PVT1: variants seen among roughly 807,000 people sequenced by gnomAD.
PVT1 encodes the protein Pvt1 oncogene.
intron 3 of PVT1, among the ~76,000 whole-genome samples, chr8:127,977,916 G>A (rs192457606): frequency 1.3e-4 from 20 of 152,256 alleles, no homozygotes; most frequent in African/African-American, 3.6e-4. Context: ...TCTCACCCAC[G>A]TCCGTGGTGA....
intron 4 of PVT1, among the ~76,000 whole-genome samples, chr8:128,042,945 G>C (rs1022839341): frequency 1.4e-4 from 22 of 151,762 alleles, no homozygotes; most frequent in African/African-American, 5.3e-4. Flanking sequence ...TGTATTTTTA[G>C]TAGAGACAGG....
intron 3 of PVT1, among the ~76,000 whole-genome samples, chr8:127,968,121 G>A (rs921653961): frequency 6.6e-6 from 1 of 152,158 alleles, no homozygotes; most frequent in African/African-American, 2.4e-5. Context: ...ATTGCATAGG[G>A]TTTTCCAAAT....
intron 3 of PVT1, among the ~76,000 whole-genome samples, chr8:127,975,079 TA>T (rs1816809001): frequency 1.3e-5 from 2 of 152,236 alleles, no homozygotes; most frequent in Non-Finnish European, 2.9e-5. Context: ...TGTTAAAAAT[TA>T]AAGTGCCTAG....
intron 2 of PVT1, among the ~76,000 whole-genome samples, chr8:127,819,422 G>T (rs1814704978): frequency 6.6e-6 from 1 of 152,226 alleles, no homozygotes; most frequent in South Asian, 2.1e-4. Flanking sequence ...AACAGTTGAG[G>T]TGGTTGATCC....
chr8:128,013,754 C>CTT (rs1817341061), intron 4 of PVT1, among the ~76,000 whole-genome samples: 2 of 152,212 alleles, frequency 1.3e-5, no homozygotes, highest in South Asian at 4.1e-4. Flanking sequence ...TGTCCTGGGA[C>CTT]TTACTGTGAT....
intron 4 of PVT1, among the ~76,000 whole-genome samples, chr8:127,994,683 C>T (rs1046263763): frequency 1.3e-5 from 2 of 152,118 alleles, no homozygotes; most frequent in African/African-American, 2.4e-5. Flanking sequence ...CTGTGATTTG[C>T]CACCTGCAGG....
intron 6 of PVT1, among the ~76,000 whole-genome samples, chr8:128,100,155 C>T (rs199674117): frequency 0.13 from 9,337 of 70,530 alleles, 853 homozygotes; most frequent in African/African-American, 0.31. Flanking sequence ...TCCTTCCTTC[C>T]TTCCTTCTTT....
At chr8:128,012,229 G>A (rs1024344140) in intron 4 of PVT1, among the ~76,000 whole-genome samples, 2 of 152,178 alleles carry the variant, frequency 1.3e-5, no homozygotes, top group African/African-American at 4.8e-5. Context: ...CATGGGCAGA[G>A]TCATTTCTAG....
intron 4 of PVT1, among the ~76,000 whole-genome samples, chr8:128,049,419 C>T (rs909694642): frequency 3.9e-5 from 6 of 152,192 alleles, no homozygotes; most frequent in African/African-American, 1.2e-4. Flanking sequence ...GAGAGGCAGG[C>T]GGGCCCTAGC....
intron 4 of PVT1, among the ~76,000 whole-genome samples, chr8:128,028,225 C>T (rs1046107731): frequency 3.9e-5 from 6 of 152,262 alleles, no homozygotes; most frequent in Non-Finnish European, 5.9e-5. Context: ...CTGGTGCCGG[C>T]GCGCTGGCAG....
intron 4 of PVT1, among the ~76,000 whole-genome samples, chr8:127,990,507 G>T (rs191097203): frequency 1.1e-4 from 16 of 152,298 alleles, no homozygotes; most frequent in African/African-American, 3.9e-4. Context: ...TAAGTAAGAT[G>T]TTGGAAAGAA....
At chr8:127,974,731 T>C (rs892346785) in intron 3 of PVT1, among the ~76,000 whole-genome samples, 3 of 152,240 alleles carry the variant, frequency 2.0e-5, no homozygotes, top group African/African-American at 7.2e-5. Flanking sequence ...TCATTATTGA[T>C]GTCATTTATT....
rs118020530 is a variant in PVT1, at chr8:128,077,501, C to T, written n.1114+7140C>T. 2.7e-3 allele frequency among the ~76,000 whole-genome samples: 412 copies of T among 152,244 alleles called. 12 individuals carry two copies. The East Asian group carries it at 0.065, about 24-fold the overall frequency. ...TCCTGTTTTATATGGAAAAAAAACT[C>T]ATAATTTTATAAGCACTGAATCTAT... is the stretch of plus-strand genomic sequence containing the variant. On this transcript the variant is annotated intron_variant and non_coding_transcript_variant, in intron 5 of 10. Transcript: ENST00000651587.
At position 128,011,403 on chromosome 8, in the gene PVT1, G is replaced by A. The variant is rs564467234; in HGVS notation, n.912+22112G>A. Among the ~76,000 whole-genome samples, 18 of 152,102 alleles carry A rather than the reference G, an allele frequency of 1.2e-4. No individual in the cohort carries two copies. The South Asian group carries it at 1.7e-3, about 14-fold the overall frequency. ...ATGAGATTATGAGGGTGGGGCTCTC[G>A]TGATGAAATTAGTGCCCTCAAAATA... On this transcript the variant is annotated intron_variant and non_coding_transcript_variant, in intron 4 of 10. Transcript: ENST00000651587.
At chr8:127,855,382 T>G (rs2129741121) in intron 2 of PVT1, 1 of 394,902 alleles carries the variant, frequency 2.5e-6, no homozygotes, top group East Asian at 3.6e-5. Flanking sequence ...GATGGCTCGC[T>G]GACCCCAAGG....
intron 3 of PVT1, among the ~76,000 whole-genome samples, chr8:127,923,082 A>G (rs1476102207): frequency 6.6e-6 from 1 of 152,082 alleles, no homozygotes; most frequent in Non-Finnish European, 1.5e-5. Context: ...ATTTTATCTC[A>G]TTATATGGTA....
intron 2 of PVT1, among the ~76,000 whole-genome samples, chr8:127,854,481 T>G (rs1368397464): frequency 6.6e-6 from 1 of 151,962 alleles, no homozygotes; most frequent in Non-Finnish European, 1.5e-5. Context: ...TTTAAAGGGG[T>G]CCCAAATTGT....
intron 4 of PVT1, among the ~76,000 whole-genome samples, chr8:128,025,252 C>T (rs1269270242): frequency 6.6e-6 from 1 of 152,134 alleles, no homozygotes; most frequent in Admixed American, 6.5e-5. Context: ...TCATTGCACC[C>T]TGGGTGTTCG....
chr8:127,899,965 A>G (rs559763427), intron 3 of PVT1, among the ~76,000 whole-genome samples: 5 of 152,220 alleles, frequency 3.3e-5, no homozygotes, highest in African/African-American at 1.2e-4. Context: ...CCACCCAAGG[A>G]TTAGCACATG....
Sources: gnomAD v4.1 joint callset for allele counts (sites outside exome capture counted in the v4.1 genomes callset) on GRCh38, gnomAD v4.1.1 for gene constraint, MANE v1.5 for transcripts, NCBI Gene and HGNC (gene_info 2026-07-23, HGNC 2026-07-21) for gene names.